Variants in ITGAE observed in about 807,000 individuals in gnomAD.
The protein encoded by ITGAE is integrin subunit alpha E.
A neutral mutation model predicts 136.5 loss-of-function variants in ITGAE; 99 were observed. The observed-to-expected ratio is 0.73, with a 90% confidence interval of 0.62 to 0.86. The LOEUF is 0.86. ITGAE is among the 40% of genes least tolerant of loss of function. The pLI, the probability that ITGAE is intolerant of heterozygous loss-of-function variation, is 0.00. For synonymous variants in ITGAE, 613 were observed against 591.8 expected, an observed-to-expected ratio of 1.04 and a Z score of -0.52; for missense variants, 1,447 against 1,515.3, an observed-to-expected ratio of 0.95 and a Z score of 0.75.
chr17:3,797,155 ATATTTTTTTTTTT>A (rs1223493338), intron 1 of ITGAE, among the ~76,000 whole-genome samples: 6 of 24,032 alleles, frequency 2.5e-4, no homozygotes, highest in East Asian at 5.1e-4. Flanking sequence ...ATATATATAT[ATATTTTTTTTTTT>A]TTTTTTTTTT....
chr17:3,796,095 G>C (rs934287738), intron 1 of ITGAE, among the ~76,000 whole-genome samples: 5 of 80,328 alleles, frequency 6.2e-5, no homozygotes, highest in African/African-American at 1.4e-4. Context: ...GTATGCATCC[G>C]TGTGTGTGCA....
intron 1 of ITGAE, among the ~76,000 whole-genome samples, chr17:3,778,015 G>C (rs753019743): frequency 2.0e-5 from 3 of 152,086 alleles, no homozygotes; most frequent in African/African-American, 7.2e-5. Context: ...AGTAGACTGT[G>C]AGCCCCAGGA....
intron 30 of ITGAE, among the ~76,000 whole-genome samples, chr17:3,715,419 G>A (rs1047093732): frequency 1.3e-5 from 2 of 152,164 alleles, no homozygotes; most frequent in African/African-American, 2.4e-5. Context: ...ACAGAAGCCA[G>A]CACAGAGGAC....
chr17:3,725,456 C>T (rs775904659), intron 26 of ITGAE: 15 of 1,614,000 alleles, frequency 9.3e-6, no homozygotes, highest in Non-Finnish European at 1.2e-5. Context: ...ATCACACACC[C>T]GTAGCCATAA....
Position 3,745,755 on chromosome 17 carries a change from G to A in ITGAE, c.2319+9C>T, listed in dbSNP as rs527641168. 9.5e-5 allele frequency: 153 copies of A among 1,613,132 alleles called. No homozygotes were observed. The highest frequency in any genetic ancestry group is 1.2e-4 in the Non-Finnish European group (146 of 1,179,534). On this transcript the variant is annotated intron_variant, in intron 18 of 30. Transcript: ENST00000263087. ...CCCTCCTGACTCCCATCCAAACTCC[G>A]TCACTTACCTCTCCCTCTGTGGGCA...
Position 3,798,107 on chromosome 17 carries a change from G to A in ITGAE, c.34+3004C>T, listed in dbSNP as rs1250382091. 6.6e-6 allele frequency among the ~76,000 whole-genome samples: 1 copy of A among 152,116 alleles called. No individual in the cohort carries two copies. The highest frequency in any genetic ancestry group is 1.5e-5 in the Non-Finnish European group (1 of 68,012). On this transcript the variant is annotated intron_variant, in intron 1 of 30. Transcript: ENST00000263087. The surrounding 1 kb of genome is among the most constrained non-coding windows in gnomAD (Gnocchi z 4.3). ...GCCTCCCAGAGAAGGGCAGGGATGT[G>A]GGGCTCCCACACGGCCCACACTCCC...
intron 21 of ITGAE, among the ~76,000 whole-genome samples, chr17:3,732,759 A>AGGTC (rs2051374418): frequency 6.6e-6 from 1 of 152,170 alleles, no homozygotes; most frequent in Non-Finnish European, 1.5e-5. Context: ...GGAATTCGTA[A>AGGTC]GGTCTTCCTG....
intron 26 of ITGAE, chr17:3,725,571 T>G (rs143260598): frequency 1.1e-5 from 18 of 1,614,108 alleles, no homozygotes; most frequent in Non-Finnish European, 1.0e-5. Context: ...GAGCCTCTTA[T>G]CCGGTGAAGT....
At chr17:3,755,554 G>A (rs1257469432) in intron 11 of ITGAE, among the ~76,000 whole-genome samples, 1 of 152,208 alleles carries the variant, frequency 6.6e-6, no homozygotes, top group African/African-American at 2.4e-5. Context: ...CTGGATGTTT[G>A]AGCACACAGA....
intron 26 of ITGAE, chr17:3,724,340 T>C (rs1240724247): frequency 1.3e-6 from 2 of 1,593,082 alleles, no homozygotes; most frequent in Non-Finnish European, 1.7e-6. Context: ...CGCTCCGACT[T>C]CCGCCCTTCC....
chr17:3,727,896 G>A (rs1254707807), intron 26 of ITGAE, 23 bp downstream of exon 26: 2 of 1,425,284 alleles, frequency 1.4e-6, no homozygotes, highest in East Asian at 2.3e-5. Context: ...AGGTGTGACT[G>A]ATAAAGAACT....
rs1214637725 is a variant in ITGAE at position 3,757,794 on chromosome 17, G to A, written c.932C>T (p.Thr311Ile). Residue 311 changes from threonine (T) to isoleucine (I), a missense_variant, in exon 9 of 31, where the codon ACC (threonine) becomes ATC (isoleucine). By Grantham distance (89) the Thr-to-Ile change is moderately conservative. Transcript: ENST00000263087. ...RKASKVMVVL[T>I]DGGIFEDPLN... ...GGGGTCCTCGAATATGCCACCATCG[G>A]TGAGCACCACCATGACCTTGGATGC... 1.9e-6 allele frequency: 3 copies of A among 1,614,054 alleles called. No individual in the cohort carries two copies. The highest frequency in any genetic ancestry group is 2.5e-6 in the Non-Finnish European group (3 of 1,180,044).
chr17:3,745,445 G>A (rs1452939170), intron 18 of ITGAE, among the ~76,000 whole-genome samples: 3 of 152,058 alleles, frequency 2.0e-5, no homozygotes, highest in Non-Finnish European at 4.4e-5. Context: ...GGATTCCAGC[G>A]ATTCTCCTGC....
At chr17:3,725,571 T>C (rs143260598) in intron 26 of ITGAE, 1 of 1,614,108 alleles carries the variant, frequency 6.2e-7, no homozygotes, top group Non-Finnish European at 8.5e-7. Context: ...GAGCCTCTTA[T>C]CCGGTGAAGT....
chr17:3,785,823 C>T (rs1353212873), intron 1 of ITGAE, among the ~76,000 whole-genome samples: 1 of 151,026 alleles, frequency 6.6e-6, no homozygotes, highest in African/African-American at 2.4e-5. Context: ...AAATTACCAA[C>T]ATGAATAAAA....
intron 20 of ITGAE, 86 bp from the exon 21 acceptor site, chr17:3,735,035 G>T: frequency 6.7e-7 from 1 of 1,484,020 alleles, no homozygotes. Context: ...ACCGAGGCTA[G>T]AGCGTGGTGC....
intron 24 of ITGAE, 33 bp downstream of exon 24, chr17:3,729,445 T>G: frequency 7.1e-7 from 1 of 1,401,550 alleles, no homozygotes; most frequent in Non-Finnish European, 1.0e-6. Flanking sequence ...GGCGATGGAG[T>G]CACACCGCTG....
intron 1 of ITGAE, among the ~76,000 whole-genome samples, chr17:3,794,942 C>A (rs575281563): frequency 2.4e-4 from 36 of 152,278 alleles, no homozygotes; most frequent in African/African-American, 7.5e-4. Context: ...CCGCTCTGCC[C>A]GGCGCACCCT....
At chr17:3,761,216 G>C (rs1462377184) in intron 5 of ITGAE, 39 bp from the exon 6 acceptor site, 28 of 1,601,058 alleles carry the variant, frequency 1.7e-5, no homozygotes, top group Non-Finnish European at 2.3e-5. Context: ...AGTCAGAAAG[G>C]CTCCATCCTC....
Sources: allele counts gnomAD v4.1 joint callset (sites outside exome capture counted in the v4.1 genomes callset), GRCh38; gene constraint gnomAD v4.1.1; non-coding constraint Gnocchi (gnomAD v3.1); transcripts MANE v1.5; gene names NCBI Gene and HGNC (gene_info 2026-07-23, HGNC 2026-07-21).